GULP1: variants seen among roughly 807,000 people sequenced by gnomAD.
The protein encoded by GULP1 is GULP PTB domain containing engulfment adaptor 1.
GULP1 carries 19 observed loss-of-function variants against 40.9 expected under a neutral mutation model. The observed-to-expected ratio is 0.46, with a 90% CI of 0.32 to 0.68. The LOEUF is 0.68. GULP1 is among the 30% of genes least tolerant of loss of function. GULP1 has a pLI of 0.03. For synonymous variants in GULP1, 119 were observed against 117.6 expected (o/e 1.01, Z -0.08); for missense variants, 312 against 362.2 (o/e 0.86, Z 1.12).
intron 6 of GULP1, among the ~76,000 whole-genome samples, chr2:188,538,225 TG>T (rs1471216496): frequency 2.0e-5 from 3 of 152,124 alleles, no homozygotes; most frequent in Non-Finnish European, 4.4e-5. Context: ...CTGCTAGCTT[TG>T]GGGTTAGTTG....
At chr2:188,500,093 A>AT (rs149056836) in intron 4 of GULP1, among the ~76,000 whole-genome samples, 1,654 of 151,994 alleles carry the variant, frequency 0.011, 36 homozygotes, top group African/African-American at 0.037. Flanking sequence ...ACAGAGCAAC[A>AT]TTCTCATTGA....
intron 2 of GULP1, among the ~76,000 whole-genome samples, chr2:188,432,948 G>A (rs185434609): frequency 2.6e-4 from 39 of 152,152 alleles, no homozygotes; most frequent in Middle Eastern, 3.4e-3. Flanking sequence ...CTATGAGATA[G>A]TAATATGAAC....
chr2:188,419,977 T>C (rs2055156408), intron 2 of GULP1, among the ~76,000 whole-genome samples: 1 of 152,210 alleles, frequency 6.6e-6, no homozygotes, highest in African/African-American at 2.4e-5. Context: ...TCATTGTATG[T>C]TCTTAGCACC....
chr2:188,356,426 C>T (rs2045326846), intron 1 of GULP1, among the ~76,000 whole-genome samples: 1 of 151,950 alleles, frequency 6.6e-6, no homozygotes, highest in African/African-American at 2.4e-5. Flanking sequence ...TCTAGGAAAG[C>T]AATCCCATTT....
intron 2 of GULP1, among the ~76,000 whole-genome samples, chr2:188,410,749 G>A (rs2053761289): frequency 6.6e-6 from 1 of 152,132 alleles, no homozygotes; most frequent in Non-Finnish European, 1.5e-5. Flanking sequence ...AAGACCTCTA[G>A]GTTAGCAGAT....
chr2:188,292,183 A>T lies in GULP1; in HGVS notation c.-172+17A>T, dbSNP rs576447515. The T allele has an allele frequency of 1.7e-4, 26 of 152,578 alleles. No individual in the cohort carries two copies. The highest frequency in any genetic ancestry group is 6.3e-4 in the African/African-American group (26 of 41,572). The allele number at this position is 152,578 out of a possible 1,614,324, so 9.5% of individuals were successfully genotyped here. On this transcript the variant is annotated intron_variant, in intron 1 of 11. Coordinates refer to ENST00000409830, the MANE Select transcript of GULP1 (RefSeq NM_016315.4). The surrounding 1 kb of genome is among the most constrained non-coding windows in gnomAD (Gnocchi z 4.0). ...CTCAGTGAGGTACGGAGATTTATCT[A>T]GGCTCTTCCCTGGCTGCGAACCCAG...
At chr2:188,563,067 T>C (rs1216148066) in intron 7 of GULP1, among the ~76,000 whole-genome samples, 1 of 152,076 alleles carries the variant, frequency 6.6e-6, no homozygotes, top group Non-Finnish European at 1.5e-5. Flanking sequence ...TAAGAAAAGA[T>C]AGAAAAGTTA....
intron 1 of GULP1, among the ~76,000 whole-genome samples, chr2:188,367,603 A>G (rs1424636197): frequency 1.3e-5 from 2 of 152,106 alleles, no homozygotes; most frequent in African/African-American, 2.4e-5. Flanking sequence ...TTCTGGAGGG[A>G]GGGTGTGACA....
chr2:188,557,487 TG>T, intron 7 of GULP1, among the ~76,000 whole-genome samples: 1 of 152,222 alleles, frequency 6.6e-6, no homozygotes, highest in Non-Finnish European at 1.5e-5. Flanking sequence ...GAATCTTCTT[TG>T]ACTCCATGTC....
At chr2:188,460,550 G>A (rs73040477) in intron 2 of GULP1, among the ~76,000 whole-genome samples, 1,933 of 151,962 alleles carry the variant, frequency 0.013, 41 homozygotes, top group African/African-American at 0.044. Flanking sequence ...TTGTGTTTTG[G>A]TGGAGTGTTT....
At chr2:188,327,440 G>A (rs1025200922) in intron 1 of GULP1, among the ~76,000 whole-genome samples, 1 of 152,046 alleles carries the variant, frequency 6.6e-6, no homozygotes, top group Non-Finnish European at 1.5e-5. Context: ...CTTTTCTAAT[G>A]CTCCTTACAA....
intron 1 of GULP1, among the ~76,000 whole-genome samples, chr2:188,331,784 C>A (rs1202905953): frequency 6.6e-6 from 1 of 152,104 alleles, no homozygotes; most frequent in African/African-American, 2.4e-5. Context: ...TATACTTTTA[C>A]TTATTTTTAC....
At chr2:188,448,200 A>G (rs2058554098) in intron 2 of GULP1, among the ~76,000 whole-genome samples, 1 of 152,226 alleles carries the variant, frequency 6.6e-6, no homozygotes, top group African/African-American at 2.4e-5. Flanking sequence ...TAGATAATAG[A>G]CAACAAGTGT....
chr2:188,559,066 G>A (rs1280226230), intron 7 of GULP1, among the ~76,000 whole-genome samples: 1 of 152,202 alleles, frequency 6.6e-6, no homozygotes, highest in East Asian at 1.9e-4. Context: ...AGGTAATGAG[G>A]AGCCGAATGT....
chr2:188,423,324 A>G (rs1403276584), intron 2 of GULP1, among the ~76,000 whole-genome samples: 3 of 152,020 alleles, frequency 2.0e-5, no homozygotes, highest in African/African-American at 7.2e-5. Flanking sequence ...TTTCCACTTT[A>G]TGGTACTAAT....
At position 188,420,117 on chromosome 2, in the gene GULP1, A is replaced by G. The variant is rs187178376; in HGVS notation, c.-45+36228A>G. 2.2e-4 allele frequency among the ~76,000 whole-genome samples: 33 copies of G among 152,266 alleles called. 1 individual carries two copies. Among genetic ancestry groups the G allele is most frequent in the African/African-American group, 7.9e-4 (33 of 41,566 alleles). On this transcript the variant is annotated intron_variant, in intron 2 of 11. Coordinates refer to ENST00000409830, the MANE Select transcript of GULP1 (RefSeq NM_016315.4). The stretch of plus-strand genomic sequence containing the variant: ...TTGTAATTAATACATTTTGGTATCA[A>G]GAAATGTGATGCCTCCAGCTTTGTT...
At chr2:188,390,519 T>C (rs2050378374) in intron 2 of GULP1, among the ~76,000 whole-genome samples, 1 of 152,220 alleles carries the variant, frequency 6.6e-6, no homozygotes, top group Non-Finnish European at 1.5e-5. Context: ...TATTTGTCCA[T>C]TGTCGGATGC....
chr2:188,398,091 G>T (rs1432337585), intron 2 of GULP1, among the ~76,000 whole-genome samples: 1 of 152,166 alleles, frequency 6.6e-6, no homozygotes, highest in African/African-American at 2.4e-5. Flanking sequence ...GTATTTAAAA[G>T]ATACACACAG....
At position 188,523,137 on chromosome 2, in the gene GULP1, T is replaced by C. The variant is rs533190672; in HGVS notation, c.162+310T>C. On this transcript the variant is annotated intron_variant, in intron 5 of 11. Transcript: ENST00000409830. ...GCTTGCCTTTACTTTGCTTGGATAATGTGAACCTATGTCCCAAATCAAAAG... is the reference window on the plus strand; with the variant it reads ...GCTTGCCTTTACTTTGCTTGGATAACGTGAACCTATGTCCCAAATCAAAAG... 2.0e-5 allele frequency among the ~76,000 whole-genome samples: 3 copies of C among 152,344 alleles called. No homozygotes were observed. The South Asian group carries it at 6.2e-4, about 32-fold the overall frequency.
Sources: allele counts gnomAD v4.1 joint callset (sites outside exome capture counted in the v4.1 genomes callset), GRCh38; gene constraint gnomAD v4.1.1; non-coding constraint Gnocchi (gnomAD v3.1); transcripts MANE v1.5; gene names NCBI Gene and HGNC (gene_info 2026-07-23, HGNC 2026-07-21).